The following SUSD4 variants were observed in gnomAD, a reference collection of about 807,000 sequenced individuals.
SUSD4 encodes the protein sushi domain containing 4.
Under a neutral mutation model 50.5 loss-of-function variants are expected in SUSD4, and 41 were observed. The observed-to-expected ratio is 0.81, with a 90% CI of 0.63 to 1.05. The LOEUF is 1.05. Among genes scored for constraint, SUSD4 ranks in the 50% least tolerant of loss-of-function variants. The pLI, the probability that SUSD4 is intolerant of heterozygous loss-of-function variation, is 0.00. For synonymous variants in SUSD4, 257 were observed against 257.3 expected, an observed-to-expected ratio of 1.00 and a Z score of 0.01; for missense variants, 580 against 634.7, an observed-to-expected ratio of 0.91 and a Z score of 0.93.
chr1:223,352,089 C>T (rs972170986), intron 2 of SUSD4, among the ~76,000 whole-genome samples: 3 of 152,196 alleles, frequency 2.0e-5, no homozygotes, highest in Admixed American at 1.3e-4. Context: ...GTTAACCACA[C>T]TACATGGAGG....
chr1:223,245,598 C>T (rs888363681), intron 5 of SUSD4, among the ~76,000 whole-genome samples: 1 of 152,122 alleles, frequency 6.6e-6, no homozygotes, highest in African/African-American at 2.4e-5. Flanking sequence ...GGGATTTTAT[C>T]ATAGTGTGAA....
In SUSD4 at chr1:223,222,179, A is replaced by G; in HGVS notation, c.*13T>C. 1 of 1,613,432 alleles carries G rather than the reference A, an allele frequency of 6.2e-7. No homozygotes were observed. Among genetic ancestry groups the G allele is most frequent in the Non-Finnish European group, 8.5e-7 (1 of 1,179,696 alleles). On this transcript the variant is annotated 3_prime_UTR_variant, in exon 9 of 9. Transcript: ENST00000366878. ...CCGAAGGAGCAGGAGAGTCATCTGG[A>G]TCTTGACCCATATTAGGGATCTTCT...
At chr1:223,314,000 T>C (rs563214034) in intron 2 of SUSD4, among the ~76,000 whole-genome samples, 2 of 152,226 alleles carry the variant, frequency 1.3e-5, no homozygotes, top group East Asian at 3.9e-4. Context: ...GAAATAACCA[T>C]AAAAAATAGC....
Position 223,222,105 on chromosome 1 carries a change from C to T in SUSD4, c.*87G>A. ...TGTAGACAAGTTAGACATTTTGCCC[C>T]CAGGCTCTATCCTTCTGTGACCTCA... is the stretch of plus-strand genomic sequence containing the variant. On this transcript the variant is annotated 3_prime_UTR_variant, in exon 9 of 9. Transcript: ENST00000366878. The T allele has an allele frequency of 7.0e-7, 1 of 1,436,006 alleles. No homozygotes were observed. Among genetic ancestry groups the T allele is most frequent in the Non-Finnish European group, 9.6e-7 (1 of 1,044,518 alleles). 89.0% of individuals were successfully genotyped at this position (1,436,006 alleles called of 1,614,324 possible).
At chr1:223,307,396 C>G (rs745907538) in intron 2 of SUSD4, among the ~76,000 whole-genome samples, 2 of 152,226 alleles carry the variant, frequency 1.3e-5, no homozygotes, top group Non-Finnish European at 2.9e-5. Flanking sequence ...TTCATCCATA[C>G]AACAACCCCA....
chr1:223,340,079 C>T (rs1415802634), intron 2 of SUSD4, among the ~76,000 whole-genome samples: 1 of 152,202 alleles, frequency 6.6e-6, no homozygotes, highest in African/African-American at 2.4e-5. Flanking sequence ...CTGCTCCAAT[C>T]GCATTCCCTG....
At chr1:223,238,532 A>T (rs1660369266) in intron 5 of SUSD4, among the ~76,000 whole-genome samples, 1 of 151,958 alleles carries the variant, frequency 6.6e-6, no homozygotes, top group Admixed American at 6.6e-5. Context: ...ACAAATGTTG[A>T]CAAGTTGTGT....
rs1659585938 is a variant in SUSD4 at position 223,227,354 on chromosome 1, C to A, written c.1061+240G>T. ...CTCTGTGATCCCATCGCTAGCCCCC[C>A]ATGATGCCCACCTGCAAATGGTCTA... On this transcript the variant is annotated intron_variant, in intron 7 of 8. Coordinates refer to ENST00000366878, the MANE Select transcript of SUSD4 (RefSeq NM_017982.4). This position sits in a 1 kb window ranked among gnomAD's most constrained non-coding sequence, Gnocchi z 4.5. 1.3e-5 allele frequency among the ~76,000 whole-genome samples: 2 copies of A among 152,146 alleles called. No individual in the cohort carries two copies.
chr1:223,221,957 C>T lies in SUSD4; in HGVS notation c.*235G>A. ...CTCATCCAAGACCACGCGAGGGCTT[C>T]CCTGCTGCCCCGGTTCCCCATGGGT... On this transcript the variant is annotated 3_prime_UTR_variant, in exon 9 of 9. Coordinates refer to ENST00000366878, the MANE Select transcript of SUSD4 (RefSeq NM_017982.4). 1 of 492,102 alleles carries T rather than the reference C, an allele frequency of 2.0e-6. No homozygotes were observed. The allele number at this position is 492,102 out of a possible 1,614,324, so 30.5% of individuals were successfully genotyped here.
intron 2 of SUSD4, among the ~76,000 whole-genome samples, chr1:223,329,039 A>G (rs1226958159): frequency 1.3e-5 from 2 of 152,178 alleles, no homozygotes; most frequent in Non-Finnish European, 2.9e-5. Context: ...TCAGTTGTGC[A>G]AAGTTGATGA....
intron 7 of SUSD4, among the ~76,000 whole-genome samples, chr1:223,226,640 C>T (rs911508251): frequency 6.6e-6 from 1 of 152,216 alleles, no homozygotes; most frequent in Non-Finnish European, 1.5e-5. Context: ...GAGCCTCCTC[C>T]TCCATGAGCA....
Position 223,264,682 on chromosome 1 carries a change from G to A in SUSD4, c.672C>T (p.Cys224=). The change falls in exon 5 of 9, where the codon TGC becomes TGT. Residue 224 remains cysteine (C), a synonymous_variant. Transcript: ENST00000366878. ...TGGACGACCAGATAAGGTTTTGTAAGCACTCAAGATACGCAGACCCATCAA... is the reference window on the plus strand; with the variant it reads ...TGGACGACCAGATAAGGTTTTGTAAACACTCAAGATACGCAGACCCATCAA... The part of the protein sequence containing the change: ...FKLDGSAYLE[C]LQNLIWSSSP... The A allele has an allele frequency of 6.2e-7, 1 of 1,614,218 alleles. No homozygotes were observed. Among genetic ancestry groups the A allele is most frequent in the Non-Finnish European group, 8.5e-7 (1 of 1,180,038 alleles).
chr1:223,265,563 C>T (rs561385663), intron 4 of SUSD4, among the ~76,000 whole-genome samples: 18 of 152,308 alleles, frequency 1.2e-4, no homozygotes, highest in Admixed American at 4.6e-4. Flanking sequence ...CTGCCAGGCT[C>T]GGGACCACAC....
Position 223,223,247 on chromosome 1 carries a change from A to G in SUSD4, c.1444+2T>C. 2 of 1,529,754 alleles carry G rather than the reference A, an allele frequency of 1.3e-6. No homozygotes were observed. The highest frequency in any genetic ancestry group is 2.3e-5 in the East Asian group (1 of 44,318). 94.8% of individuals were successfully genotyped at this position (1,529,754 alleles called of 1,614,324 possible). The stretch of plus-strand genomic sequence containing the variant: ...GGCTTGGGCCCTGGGGCAAGCACTT[A>G]CCATCTGCAATGTCGATGCCTGGGC... On this transcript the variant is annotated splice_donor_variant, in intron 8 of 8. Transcript: ENST00000366878. LOFTEE classifies it high-confidence loss of function.
At chr1:223,313,202 A>G (rs4661238) in intron 2 of SUSD4, among the ~76,000 whole-genome samples, 82,051 of 151,852 alleles carry the variant, frequency 0.54, 22,170 homozygotes, top group African/African-American at 0.58. Flanking sequence ...GAGGGTTGGG[A>G]CTTTGAGTCA....
rs1455556456 is a variant in SUSD4 at position 223,230,455 on chromosome 1, C to G, written c.725-1067G>C. 2.6e-5 allele frequency: 4 copies of G among 152,108 alleles called. No homozygotes were observed. In the East Asian group the frequency reaches 7.7e-4, roughly 29 times the overall value. 9.4% of individuals were successfully genotyped at this position (152,108 alleles called of 1,614,324 possible). A position where few individuals can be genotyped will look rare whatever the true frequency, so the allele number is the denominator to read the frequency against. ...TTCCCTCCCTTGGGGTAACCAAACA[C>G]CCTGGCCAGTGCAGAACAGGCACTG... On this transcript the variant is annotated intron_variant, in intron 5 of 8. Transcript: ENST00000366878.
intron 2 of SUSD4, among the ~76,000 whole-genome samples, chr1:223,295,174 A>T (rs1176376257): frequency 1.3e-5 from 2 of 152,180 alleles, no homozygotes; most frequent in East Asian, 3.9e-4. Flanking sequence ...ATAAGCAAAC[A>T]TAGTGTCATG....
chr1:223,313,056 T>A (rs1049419278), intron 2 of SUSD4, among the ~76,000 whole-genome samples: 2 of 152,228 alleles, frequency 1.3e-5, no homozygotes, highest in African/African-American at 4.8e-5. Flanking sequence ...AATTTCCTTA[T>A]AGAAGTATCT....
At chr1:223,351,348 C>T (rs557392154) in intron 2 of SUSD4, among the ~76,000 whole-genome samples, 2 of 152,316 alleles carry the variant, frequency 1.3e-5, no homozygotes, top group Admixed American at 1.3e-4. Context: ...CAGGTTTGTC[C>T]AGGGGCAGCT....
Sources: allele counts gnomAD v4.1 joint callset (sites outside exome capture counted in the v4.1 genomes callset), GRCh38; gene constraint gnomAD v4.1.1; non-coding constraint Gnocchi (gnomAD v3.1); transcripts MANE v1.5; gene names NCBI Gene and HGNC (gene_info 2026-07-23, HGNC 2026-07-21).